Variants in ALX4 observed in about 807,000 individuals in gnomAD.
ALX4 encodes the protein homeobox protein aristaless-like 4.
ALX4 carries 22 observed loss-of-function variants against 40.6 expected under a neutral mutation model. That is an observed-to-expected ratio of 0.54 (90% CI 0.39 to 0.77). The LOEUF (loss-of-function observed/expected upper bound fraction) is 0.77, where lower values mean the gene tolerates loss of function less well. Ranked by LOEUF, ALX4 falls within the 30% of genes least tolerant of loss-of-function variation. The pLI is 0.00. For synonymous variants in ALX4, 266 were observed against 240.5 expected (o/e 1.11, Z -0.98); for missense variants, 556 against 564.8 (o/e 0.98, Z 0.16).
chr11:44,298,567 C>T (rs1956416922), intron 1 of ALX4, among the ~76,000 whole-genome samples: 1 of 152,040 alleles, frequency 6.6e-6, no homozygotes, highest in Non-Finnish European at 1.5e-5. Flanking sequence ...ATGGGGGAGA[C>T]CTGAGGAGGA....
intron 1 of ALX4, among the ~76,000 whole-genome samples, chr11:44,297,032 G>C (rs1289881633): frequency 7.3e-6 from 1 of 137,462 alleles, no homozygotes; most frequent in Non-Finnish European, 1.6e-5. Flanking sequence ...AAAAAAAAAA[G>C]GTACCTACAG....
chr11:44,301,899 T>A (rs575019911), intron 1 of ALX4, among the ~76,000 whole-genome samples: 1 of 152,302 alleles, frequency 6.6e-6, no homozygotes, highest in Admixed American at 6.5e-5. Flanking sequence ...ATTCCAGAGC[T>A]GGTGGCTTGT....
Position 44,264,411 on chromosome 11 carries a change from G to T in ALX4, c.*443C>A. On this transcript the variant is annotated 3_prime_UTR_variant, in exon 4 of 4. Transcript: ENST00000652299. ...GGGCAGCCTGTGCTTCAGACACACA[G>T]CCACCGGCCTGGTGACCAGGGGACC... is the stretch of plus-strand genomic sequence containing the variant. The T allele has an allele frequency of 5.5e-6, 1 of 180,234 alleles. No homozygotes were observed. 11.2% of individuals were successfully genotyped at this position (180,234 alleles called of 1,614,324 possible). A position where few individuals can be genotyped will look rare whatever the true frequency, so the allele number is the denominator to read the frequency against.
intron 1 of ALX4, among the ~76,000 whole-genome samples, chr11:44,295,345 G>A (rs1956397057): frequency 6.6e-6 from 1 of 152,230 alleles, no homozygotes; most frequent in South Asian, 2.1e-4. Flanking sequence ...AAAGGCATCT[G>A]AAGCATCAAG....
rs772445432 is a variant in ALX4 at position 44,265,008 on chromosome 11, T to A, written c.1082A>T (p.Gln361Leu). The change falls in exon 4 of 4, where the codon CAG becomes CTG. Residue 361 changes from glutamine (Q) to leucine (L), a missense_variant. Coordinates refer to ENST00000652299, the MANE Select transcript of ALX4 (RefSeq NM_021926.4). ...SVSGAGSHVGQTHMGSLFGAA... is the reference protein window; with the variant it reads ...SVSGAGSHVGLTHMGSLFGAA... ...TCCAAACAGGCTGCCCATGTGCGTC[T>A]GGCCCACGTGACTGCCAGCCCCAGA... 6.2e-7 allele frequency: 1 copy of A among 1,613,060 alleles called. No homozygotes were observed. Among genetic ancestry groups the A allele is most frequent in the Non-Finnish European group, 8.5e-7 (1 of 1,179,922 alleles).
In ALX4 at chr11:44,264,593, G is replaced by C; in HGVS notation, c.*261C>G. The C allele has an allele frequency of 1.8e-6, 1 of 570,998 alleles. No homozygotes were observed. The allele number at this position is 570,998 out of a possible 1,614,324, so 35.4% of individuals were successfully genotyped here. ...TATCATGGATGCGAAGCTGAAAAACGTGGCCACCTGGCTTTCTCCACTGCC... is the reference window on the plus strand; with the variant it reads ...TATCATGGATGCGAAGCTGAAAAACCTGGCCACCTGGCTTTCTCCACTGCC... On this transcript the variant is annotated 3_prime_UTR_variant, in exon 4 of 4. Transcript: ENST00000652299.
At chr11:44,276,588 C>T (rs11037932) in intron 1 of ALX4, among the ~76,000 whole-genome samples, 4,061 of 152,332 alleles carry the variant, frequency 0.027, 74 homozygotes, top group South Asian at 0.053. Flanking sequence ...TACCACCACA[C>T]AGCCTGGTGA....
chr11:44,296,501 T>A (rs1191037038), intron 1 of ALX4, among the ~76,000 whole-genome samples: 1 of 152,194 alleles, frequency 6.6e-6, no homozygotes, highest in Non-Finnish European at 1.5e-5. Flanking sequence ...CAAAGGACAG[T>A]ATCCAGGGAG....
chr11:44,278,520 G>A (rs557757871), intron 1 of ALX4, among the ~76,000 whole-genome samples: 1 of 152,326 alleles, frequency 6.6e-6, no homozygotes, highest in East Asian at 1.9e-4. Context: ...TCAGCACTGA[G>A]CCAGCTCTTG....
In ALX4 at chr11:44,264,999, A is replaced by G. The variant is rs1309943017; in HGVS notation, c.1091T>C (p.Met364Thr). 3 of 1,613,084 alleles carry G rather than the reference A, an allele frequency of 1.9e-6. No homozygotes were observed. Among genetic ancestry groups the G allele is most frequent in the Non-Finnish European group, 2.5e-6 (3 of 1,179,934 alleles). The stretch of plus-strand genomic sequence containing the variant: ...GCTGGCTGCTCCAAACAGGCTGCCC[A>G]TGTGCGTCTGGCCCACGTGACTGCC... ...GAGSHVGQTH[M>T]GSLFGAASLS... The change falls in exon 4 of 4, where the codon ATG becomes ACG. Residue 364 changes from methionine (M) to threonine (T), a missense_variant. Met to Thr is a moderately conservative substitution (Grantham distance 81). Transcript: ENST00000652299.
At chr11:44,301,827 T>C (rs1254967408) in intron 1 of ALX4, among the ~76,000 whole-genome samples, 1 of 152,148 alleles carries the variant, frequency 6.6e-6, no homozygotes, top group East Asian at 1.9e-4. Flanking sequence ...GGGTCAGCAG[T>C]GGGCACAGAC....
chr11:44,269,246 G>C lies in ALX4; in HGVS notation c.778-1624C>G, dbSNP rs150232891. ...AGCACTGGTATTGCCAAGGGCCTCA[G>C]TTTCTGCATGGCGAATGGTACCTCA... On this transcript the variant is annotated intron_variant, in intron 2 of 3. Coordinates refer to ENST00000652299, the MANE Select transcript of ALX4 (RefSeq NM_021926.4). Among the ~76,000 whole-genome samples the C allele has an allele frequency of 1.7e-4, 26 of 152,370 alleles. No individual in the cohort carries two copies. The East Asian group carries it at 1.9e-3, about 11-fold the overall frequency.
intron 1 of ALX4, among the ~76,000 whole-genome samples, chr11:44,277,582 G>T (rs1956285143): frequency 6.6e-6 from 1 of 152,190 alleles, no homozygotes; most frequent in African/African-American, 2.4e-5. Flanking sequence ...CAAGCGATGG[G>T]CATTAAGTGT....
At chr11:44,292,907 G>A (rs1417740692) in intron 1 of ALX4, among the ~76,000 whole-genome samples, 5 of 150,528 alleles carry the variant, frequency 3.3e-5, no homozygotes, top group Admixed American at 6.6e-5. Flanking sequence ...ACCAGCCTGG[G>A]CAACACAGTA....
intron 1 of ALX4, among the ~76,000 whole-genome samples, chr11:44,294,240 G>A (rs1163124797): frequency 6.6e-6 from 1 of 152,228 alleles, no homozygotes; most frequent in Non-Finnish European, 1.5e-5. Context: ...CAGTCCAGGT[G>A]TGGCCAAGGG....
chr11:44,270,114 C>T (rs1564999518), intron 2 of ALX4, among the ~76,000 whole-genome samples: 1 of 151,992 alleles, frequency 6.6e-6, no homozygotes, highest in African/African-American at 2.4e-5. Flanking sequence ...AGGAGGTGGC[C>T]AGCGCCTGGC....
At chr11:44,277,797 G>A (rs1191490386) in intron 1 of ALX4, among the ~76,000 whole-genome samples, 1 of 152,190 alleles carries the variant, frequency 6.6e-6, no homozygotes, top group Non-Finnish European at 1.5e-5. Flanking sequence ...AGCAGCTTCA[G>A]GAGGCTGCTC....
rs765208460 is a variant in ALX4 at position 44,267,606 on chromosome 11, C to T, written c.794G>A (p.Arg265Gln). 5 of 1,614,158 alleles carry T rather than the reference C, an allele frequency of 3.1e-6. No homozygotes were observed. The highest frequency in any genetic ancestry group is 4.5e-5 in the East Asian group (2 of 44,872). ...CTCCCGCTTCCTCCACTTGGCCCTT[C>T]GGTTCTGGAACCAGACCTACAAGAC... is the stretch of plus-strand genomic sequence containing the variant. Reference protein sequence around the residue: ...EARVQVWFQNRRAKWRKRERF... With the variant: ...EARVQVWFQNQRAKWRKRERF... Residue 265 changes from arginine (R) to glutamine (Q), a missense_variant, in exon 3 of 4, where the codon CGA becomes CAA. Physicochemically the swap from Arg to Gln is conservative, Grantham distance 43. Transcript: ENST00000652299.
chr11:44,261,654 C>T lies in ALX4; in HGVS notation c.*3200G>A, dbSNP rs1956183102. 2 of 152,232 alleles carry T rather than the reference C, an allele frequency of 1.3e-5. No homozygotes were observed. Among genetic ancestry groups the T allele is most frequent in the Non-Finnish European group, 2.9e-5 (2 of 68,058 alleles). The allele number at this position is 152,232 out of a possible 1,614,324, so 9.4% of individuals were successfully genotyped here. On this transcript the variant is annotated 3_prime_UTR_variant, in exon 4 of 4. Coordinates refer to ENST00000652299, the MANE Select transcript of ALX4 (RefSeq NM_021926.4). ...GAGGGCAGTAGCAGCACCTTAGTGT[C>T]AAGCCTTGCCATGCTGAGACCTGTG...
Sources: allele counts gnomAD v4.1 joint callset (sites outside exome capture counted in the v4.1 genomes callset), GRCh38; gene constraint gnomAD v4.1.1; transcripts MANE v1.5; gene names NCBI Gene and HGNC (gene_info 2026-07-23, HGNC 2026-07-21).